SPATS2L: variants seen among roughly 807,000 people sequenced by gnomAD.
The protein encoded by SPATS2L is spermatogenesis associated serine rich 2 like.
Under a neutral mutation model 59.6 loss-of-function variants are expected in SPATS2L, and 30 were observed. The ratio of observed to expected loss-of-function variants is 0.50; its 90% CI spans 0.38 to 0.68. SPATS2L has a LOEUF of 0.68. Among genes scored for constraint, SPATS2L ranks in the 30% least tolerant of loss-of-function variants. The pLI is 0.00. For synonymous variants in SPATS2L, 252 were observed against 263.5 expected, an observed-to-expected ratio of 0.96 and a Z score of 0.42; for missense variants, 615 against 700.0, an observed-to-expected ratio of 0.88 and a Z score of 1.37.
intron 2 of SPATS2L, among the ~76,000 whole-genome samples, chr2:200,370,022 C>T (rs1217667224): frequency 1.3e-4 from 20 of 152,224 alleles, no homozygotes; most frequent in Non-Finnish European, 4.4e-5. Flanking sequence ...CAGTGTAGTG[C>T]TAGGCCCTTA....
At chr2:200,325,099 A>G (rs2079690950) in intron 1 of SPATS2L, among the ~76,000 whole-genome samples, 1 of 152,244 alleles carries the variant, frequency 6.6e-6, no homozygotes, top group Non-Finnish European at 1.5e-5. Context: ...AAACATCAAC[A>G]TAGCTATCAT....
In SPATS2L at chr2:200,378,950, C is replaced by G. The variant is rs140936457; in HGVS notation, c.-22-10273C>G. Among the ~76,000 whole-genome samples the G allele has an allele frequency of 1.6e-4, 24 of 152,308 alleles. No homozygotes were observed. The East Asian group carries it at 4.6e-3, about 29-fold the overall frequency. ...GCATACAGCCCCATCCCCAGCCCCG[C>G]TAACAGCAAGCGTGCCTCTAATACC... is the stretch of plus-strand genomic sequence containing the variant. On this transcript the variant is annotated intron_variant, in intron 2 of 12. Coordinates refer to ENST00000409140, the MANE Select transcript of SPATS2L (RefSeq NM_001100423.2).
intron 3 of SPATS2L, among the ~76,000 whole-genome samples, chr2:200,409,851 A>G (rs1396854711): frequency 1.3e-5 from 2 of 152,184 alleles, no homozygotes; most frequent in Non-Finnish European, 2.9e-5. Context: ...ACATCTTACC[A>G]TGTGTTTTTT....
chr2:200,310,975 C>T (rs1240231631), intron 1 of SPATS2L, among the ~76,000 whole-genome samples: 1 of 152,244 alleles, frequency 6.6e-6, no homozygotes, highest in East Asian at 1.9e-4. Flanking sequence ...TACGCTGTTA[C>T]ATGCTTCTTT....
chr2:200,329,445 C>T lies in SPATS2L; in HGVS notation c.-58C>T, dbSNP rs1398790370. 1 of 1,550,530 alleles carries T rather than the reference C, an allele frequency of 6.4e-7. No individual in the cohort carries two copies. Among genetic ancestry groups the T allele is most frequent in the South Asian group, 1.2e-5 (1 of 84,058 alleles). ...ATTTTTCCTAGAGCTCTTCAGAAACCAGGCTGCTTTCAGGAACATTGCTGT... is the reference window on the plus strand; with the variant it reads ...ATTTTTCCTAGAGCTCTTCAGAAACTAGGCTGCTTTCAGGAACATTGCTGT... On this transcript the variant is annotated 5_prime_UTR_variant, in exon 2 of 13. Coordinates refer to ENST00000409140, the MANE Select transcript of SPATS2L (RefSeq NM_001100423.2).
intron 2 of SPATS2L, among the ~76,000 whole-genome samples, chr2:200,338,735 G>A (rs1167838918): frequency 6.6e-6 from 1 of 152,162 alleles, no homozygotes; most frequent in Non-Finnish European, 1.5e-5. Context: ...TAACACATCA[G>A]TTGGTTAACA....
chr2:200,446,349 A>G (rs572055121), intron 8 of SPATS2L, among the ~76,000 whole-genome samples: 11 of 152,296 alleles, frequency 7.2e-5, no homozygotes, highest in Non-Finnish European at 1.5e-4. Context: ...AGAACCAAAA[A>G]CAGATAATTC....
chr2:200,319,285 G>T (rs1405720442), intron 1 of SPATS2L, among the ~76,000 whole-genome samples: 1 of 152,106 alleles, frequency 6.6e-6, no homozygotes, highest in Non-Finnish European at 1.5e-5. Flanking sequence ...AGTGCATCTG[G>T]CCGGATGTTA....
chr2:200,316,804 T>C (rs1215509625), intron 1 of SPATS2L, among the ~76,000 whole-genome samples: 1 of 152,186 alleles, frequency 6.6e-6, no homozygotes, highest in Non-Finnish European at 1.5e-5. Context: ...GCCTCTTTAG[T>C]ACTGAGAACT....
intron 6 of SPATS2L, among the ~76,000 whole-genome samples, chr2:200,434,324 C>T (rs1055542979): frequency 5.3e-5 from 8 of 151,946 alleles, no homozygotes; most frequent in African/African-American, 1.9e-4. Context: ...TGATAAAATA[C>T]TGAATGCAGT....
intron 1 of SPATS2L, among the ~76,000 whole-genome samples, chr2:200,318,909 A>C (rs1478772242): frequency 6.6e-6 from 1 of 152,204 alleles, no homozygotes; most frequent in Non-Finnish European, 1.5e-5. Context: ...TGCTAATGAC[A>C]GTAGTCTGCA....
At chr2:200,460,418 A>C (rs2086150649) in intron 9 of SPATS2L, among the ~76,000 whole-genome samples, 1 of 152,184 alleles carries the variant, frequency 6.6e-6, no homozygotes, top group Non-Finnish European at 1.5e-5. Context: ...TAACAAGCAA[A>C]GTGTTCCTAA....
At chr2:200,378,635 AG>A (rs1211295035) in intron 2 of SPATS2L, among the ~76,000 whole-genome samples, 1 of 152,244 alleles carries the variant, frequency 6.6e-6, no homozygotes. Flanking sequence ...AATGTTTACT[AG>A]GAGTGTTCTG....
At position 200,344,525 on chromosome 2, in the gene SPATS2L, T is replaced by C. The variant is rs138857616; in HGVS notation, c.-23+15045T>C. Among the ~76,000 whole-genome samples, 5 of 152,344 alleles carry C rather than the reference T, an allele frequency of 3.3e-5. No individual in the cohort carries two copies. The East Asian group carries it at 9.6e-4, about 29-fold the overall frequency. On this transcript the variant is annotated intron_variant, in intron 2 of 12. Coordinates refer to ENST00000409140, the MANE Select transcript of SPATS2L (RefSeq NM_001100423.2). ...TTTGCCATTGTGAATAATGCCGCAG[T>C]GAACATTTGTGTGCATGTGTCTTTA...
At chr2:200,448,633 T>C (rs916469261) in intron 8 of SPATS2L, among the ~76,000 whole-genome samples, 2 of 152,228 alleles carry the variant, frequency 1.3e-5, no homozygotes, top group Non-Finnish European at 2.9e-5. Flanking sequence ...TCAAAATCTA[T>C]ACAAACCAGA....
intron 2 of SPATS2L, among the ~76,000 whole-genome samples, chr2:200,337,844 A>G (rs2080193379): frequency 6.6e-6 from 1 of 152,180 alleles, no homozygotes; most frequent in Non-Finnish European, 1.5e-5. Flanking sequence ...CCCATAATAG[A>G]CTGCCAGCTG....
chr2:200,308,239 G>A (rs202072661), intron 1 of SPATS2L, among the ~76,000 whole-genome samples: 5 of 146,994 alleles, frequency 3.4e-5, no homozygotes, highest in Non-Finnish European at 6.0e-5. Context: ...TCTTCACTCT[G>A]AAAAAAAAAA....
chr2:200,311,367 G>A (rs1199772785), intron 1 of SPATS2L, among the ~76,000 whole-genome samples: 2 of 152,178 alleles, frequency 1.3e-5, no homozygotes, highest in Non-Finnish European at 2.9e-5. Flanking sequence ...CCAGAGTTGG[G>A]ATAATGATGG....
chr2:200,321,694 C>G lies in SPATS2L; in HGVS notation c.-72-7737C>G, dbSNP rs185301184. On this transcript the variant is annotated intron_variant, in intron 1 of 12. Transcript: ENST00000409140. ...GTTTACATTATGTTTTGTGAATAGA[C>G]AACAAATTCAAAGTGAATTACTAAT... 3.9e-5 allele frequency among the ~76,000 whole-genome samples: 6 copies of G among 152,252 alleles called. 1 individual carries two copies. Among genetic ancestry groups the G allele is most frequent in the African/African-American group, 1.2e-4 (5 of 41,552 alleles).
Sources: allele counts gnomAD v4.1 joint callset (sites outside exome capture counted in the v4.1 genomes callset), GRCh38; gene constraint gnomAD v4.1.1; transcripts MANE v1.5; gene names NCBI Gene and HGNC (gene_info 2026-07-23, HGNC 2026-07-21).